MCC: variants seen among roughly 807,000 people sequenced by gnomAD.
MCC encodes MCC regulator of Wnt signaling pathway, also known as colorectal mutant cancer protein.
A neutral mutation model predicts 116.2 loss-of-function variants in MCC; 90 were observed. The observed-to-expected ratio is 0.77, with a 90% confidence interval of 0.65 to 0.92. The LOEUF (loss-of-function observed/expected upper bound fraction) is 0.92, where lower values mean the gene tolerates loss of function less well. MCC is among the 40% of genes least tolerant of loss of function. The pLI is 0.00. For synonymous variants in MCC, 578 were observed against 510.5 expected, an observed-to-expected ratio of 1.13 and a Z score of -1.78; for missense variants, 1,516 against 1,312.2, an observed-to-expected ratio of 1.16 and a Z score of -2.40.
intron 3 of MCC, among the ~76,000 whole-genome samples, chr5:113,333,709 A>G (rs2150375677): frequency 7.1e-6 from 1 of 139,898 alleles, no homozygotes; most frequent in East Asian, 2.2e-4. Flanking sequence ...AAACTCATGA[A>G]ACAGTGCACT....
chr5:113,432,185 G>C (rs1770673645), intron 1 of MCC, among the ~76,000 whole-genome samples: 1 of 151,848 alleles, frequency 6.6e-6, no homozygotes, highest in African/African-American at 2.4e-5. Flanking sequence ...GGGCATGGTG[G>C]CACGTGCCTG....
intron 17 of MCC, among the ~76,000 whole-genome samples, chr5:113,031,723 G>T (rs1337973983): frequency 6.6e-6 from 1 of 152,130 alleles, no homozygotes; most frequent in African/African-American, 2.4e-5. Context: ...CAGGGAGACT[G>T]GAAATCCCAG....
intron 3 of MCC, among the ~76,000 whole-genome samples, chr5:113,303,135 C>A (rs1354170316): frequency 6.6e-6 from 1 of 152,102 alleles, no homozygotes; most frequent in Non-Finnish European, 1.5e-5. Flanking sequence ...ATCTGAGATT[C>A]CTATTTGACA....
chr5:113,101,717 A>G, intron 8 of MCC, 22 bp downstream of exon 8: 1 of 1,611,968 alleles, frequency 6.2e-7, no homozygotes, highest in Non-Finnish European at 8.5e-7. Context: ...GGGCCTGACC[A>G]TTATGGATGC....
intron 2 of MCC, among the ~76,000 whole-genome samples, chr5:113,349,666 T>C (rs1293637940): frequency 3.9e-5 from 6 of 152,098 alleles, no homozygotes; most frequent in African/African-American, 1.4e-4. Flanking sequence ...ACCACTGTTA[T>C]TCAGCATAGT....
In MCC at chr5:113,071,123, G is replaced by C. The variant is rs186419316; in HGVS notation, c.1896C>G (p.Ala632=). The change falls in exon 12 of 19, where the codon GCC becomes GCG. Residue 632 remains alanine (A), a synonymous_variant. Coordinates refer to ENST00000408903, the MANE Select transcript of MCC (RefSeq NM_001085377.2). ...SMLVGKYESN[A]TALRLALQYS... ...ACTGCAAGGCCAGCCTCAGCGCTGT[G>C]GCATTGGATTCGTATTTTCCCACCA... 1 of 1,613,956 alleles carries C rather than the reference G, an allele frequency of 6.2e-7. No individual in the cohort carries two copies. Among genetic ancestry groups the C allele is most frequent in the East Asian group, 2.2e-5 (1 of 44,880 alleles).
At chr5:113,377,879 A>G (rs996964011) in intron 2 of MCC, among the ~76,000 whole-genome samples, 5 of 152,174 alleles carry the variant, frequency 3.3e-5, no homozygotes, top group African/African-American at 1.2e-4. Context: ...ACCCTTTGAC[A>G]GAGGGCTTAG....
chr5:113,259,934 A>C (rs1022477512), intron 3 of MCC, among the ~76,000 whole-genome samples: 2 of 152,184 alleles, frequency 1.3e-5, no homozygotes, highest in Non-Finnish European at 2.9e-5. Flanking sequence ...TTTCTTAAAA[A>C]AAGTCAAGTC....
intron 6 of MCC, among the ~76,000 whole-genome samples, chr5:113,110,159 A>AGAG (rs1757005277): frequency 6.6e-6 from 1 of 152,138 alleles, no homozygotes. Context: ...CAGGAGACAG[A>AGAG]GAGGAGGCCT....
chr5:113,451,521 G>A (rs965668984), intron 1 of MCC, among the ~76,000 whole-genome samples: 1 of 152,164 alleles, frequency 6.6e-6, no homozygotes, highest in Non-Finnish European at 1.5e-5. Context: ...GATCACCTGA[G>A]TTCGGGAGTT....
At chr5:113,438,777 A>G (rs972002761) in intron 1 of MCC, among the ~76,000 whole-genome samples, 2 of 152,244 alleles carry the variant, frequency 1.3e-5, no homozygotes, top group Admixed American at 1.3e-4. Flanking sequence ...ACATGGCATC[A>G]CCTTCTAAAA....
At chr5:113,153,626 G>C (rs568195496) in intron 3 of MCC, among the ~76,000 whole-genome samples, 1 of 152,322 alleles carries the variant, frequency 6.6e-6, no homozygotes, top group South Asian at 2.1e-4. Context: ...GAATGCAATG[G>C]ACCCTTCTAC....
rs1325993563 is a variant in MCC at position 113,334,643 on chromosome 5, T to A, written c.627+5876A>T. Among the ~76,000 whole-genome samples the A allele has an allele frequency of 3.6e-5, 5 of 140,280 alleles. No individual in the cohort carries two copies. The Admixed American group carries it at 3.8e-4, about 11-fold the overall frequency. 92.0% of individuals were successfully genotyped at this position (140,280 alleles called of 152,430 possible). On this transcript the variant is annotated intron_variant, in intron 3 of 18. Coordinates refer to ENST00000408903, the MANE Select transcript of MCC (RefSeq NM_001085377.2). ...TCTCGCTCTGTCGCCCAGGCTGGAG[T>A]GCAGTGGCGTGATCTCAGCTCACTG...
At chr5:113,068,224 A>T (rs749886501) in intron 12 of MCC, 41 bp from the exon 13 acceptor site, 19 of 1,491,278 alleles carry the variant, frequency 1.3e-5, no homozygotes, top group Non-Finnish European at 1.8e-5. Context: ...TGCAGAGAAC[A>T]GCGGACACCT....
intron 5 of MCC, among the ~76,000 whole-genome samples, chr5:113,127,218 A>G (rs1177946172): frequency 6.6e-6 from 1 of 152,230 alleles, no homozygotes; most frequent in African/African-American, 2.4e-5. Context: ...TCCATGGTAT[A>G]TACGTACCAC....
intron 3 of MCC, among the ~76,000 whole-genome samples, chr5:113,195,238 T>C (rs751674141): frequency 6.6e-6 from 1 of 152,220 alleles, no homozygotes; most frequent in African/African-American, 2.4e-5. Context: ...CAACAGTGTG[T>C]GCTCGGAAGG....
chr5:113,055,588 T>C (rs1752779023), intron 14 of MCC, among the ~76,000 whole-genome samples: 1 of 152,152 alleles, frequency 6.6e-6, no homozygotes, highest in Non-Finnish European at 1.5e-5. Flanking sequence ...AGAAACCCTT[T>C]GGGGCTGCGT....
intron 1 of MCC, among the ~76,000 whole-genome samples, chr5:113,395,314 C>T (rs1054177771): frequency 1.3e-5 from 2 of 151,982 alleles, no homozygotes; most frequent in Non-Finnish European, 2.9e-5. Flanking sequence ...TAAATATCTT[C>T]TAGTATATAT....
chr5:113,082,775 C>T, intron 11 of MCC, 85 bp downstream of exon 11: 1 of 1,514,518 alleles, frequency 6.6e-7, no homozygotes, highest in South Asian at 1.3e-5. Flanking sequence ...ATACATAAGC[C>T]ACCTTGAACA....
Sources: gnomAD v4.1 joint callset for allele counts (sites outside exome capture counted in the v4.1 genomes callset) on GRCh38, gnomAD v4.1.1 for gene constraint, MANE v1.5 for transcripts, NCBI Gene and HGNC (gene_info 2026-07-23, HGNC 2026-07-21) for gene names.